TULP4: variants seen among roughly 807,000 people sequenced by gnomAD.
TULP4 encodes tubby-related protein 4.
In TULP4, 16 loss-of-function variants were observed where a neutral mutation model predicts 129.0. The ratio of observed to expected loss-of-function variants is 0.12; its 90% CI spans 0.08 to 0.19. The LOEUF (loss-of-function observed/expected upper bound fraction) is 0.19. Among genes scored for constraint, TULP4 ranks in the 10% least tolerant of loss-of-function variants. The pLI, the probability that TULP4 is intolerant of heterozygous loss-of-function variation, is 1.00. For missense variants in TULP4, 1,842 were observed against 2,059.1 expected (o/e 0.89, Z 2.04); for synonymous variants, 998 against 854.0 (o/e 1.17, Z -2.94).
At chr6:158,450,752 G>GAA (rs11340391) in intron 4 of TULP4, among the ~76,000 whole-genome samples, 1 of 146,894 alleles carries the variant, frequency 6.8e-6, no homozygotes, top group African/African-American at 2.5e-5. Context: ...TTTTATTATT[G>GAA]AAAAAAAAAA....
chr6:158,252,181 T>C (rs1356800732), intron 1 of TULP4, among the ~76,000 whole-genome samples: 1 of 152,200 alleles, frequency 6.6e-6, no homozygotes, highest in African/African-American at 2.4e-5. Context: ...GTATTTTTCA[T>C]GGTTGGTTGC....
intron 1 of TULP4, among the ~76,000 whole-genome samples, chr6:158,390,070 CA>C (rs759986693): frequency 0.016 from 1,251 of 79,650 alleles, 7 homozygotes; most frequent in Middle Eastern, 0.048. Context: ...GACTCCGTCT[CA>C]AAAAAAAAAA....
intron 6 of TULP4, among the ~76,000 whole-genome samples, chr6:158,473,671 A>G (rs529956378): frequency 6.6e-6 from 1 of 152,204 alleles, no homozygotes; most frequent in Non-Finnish European, 1.5e-5. Context: ...GGCATGTGCC[A>G]CCACGCCCGG....
At chr6:158,234,175 G>A (rs1268953815) in intron 1 of TULP4, among the ~76,000 whole-genome samples, 1 of 152,186 alleles carries the variant, frequency 6.6e-6, no homozygotes, top group East Asian at 1.9e-4. Context: ...TTATCTTTCA[G>A]CCTTGCATAT....
intron 1 of TULP4, among the ~76,000 whole-genome samples, chr6:158,267,615 G>A (rs944842996): frequency 1.3e-5 from 2 of 152,146 alleles, no homozygotes; most frequent in South Asian, 2.1e-4. Flanking sequence ...CAAATAATTA[G>A]GAGGGTCACT....
chr6:158,347,414 G>C (rs1047556125), intron 1 of TULP4, among the ~76,000 whole-genome samples: 8 of 152,296 alleles, frequency 5.3e-5, no homozygotes, highest in African/African-American at 1.9e-4. Flanking sequence ...CTCATCCCTT[G>C]TTTGGATTAG....
chr6:158,443,618 A>G (rs1025487836), intron 3 of TULP4, among the ~76,000 whole-genome samples: 1 of 152,204 alleles, frequency 6.6e-6, no homozygotes, highest in African/African-American at 2.4e-5. Context: ...ATCTTTAGAC[A>G]TAGGAGAGTC....
At chr6:158,234,851 G>T (rs138495741) in intron 1 of TULP4, among the ~76,000 whole-genome samples, 21 of 152,230 alleles carry the variant, frequency 1.4e-4, no homozygotes, top group Middle Eastern at 3.4e-3. Context: ...AATTTTTTGT[G>T]GTAAAATGTA....
At chr6:158,483,611 C>T (rs1236274439) in intron 8 of TULP4, among the ~76,000 whole-genome samples, 1 of 152,172 alleles carries the variant, frequency 6.6e-6, no homozygotes, top group Non-Finnish European at 1.5e-5. Flanking sequence ...CCATGCCTGT[C>T]CCCAAATTTC....
At chr6:158,492,501 T>C (rs747379017) in intron 9 of TULP4, among the ~76,000 whole-genome samples, 3 of 152,214 alleles carry the variant, frequency 2.0e-5, no homozygotes, top group Non-Finnish European at 2.9e-5. Flanking sequence ...TTTCCTATAT[T>C]TCCAAAGTGC....
At position 158,378,358 on chromosome 6, in the gene TULP4, A is replaced by G. The variant is rs1208366509; in HGVS notation, c.253-34707A>G. Among the ~76,000 whole-genome samples the G allele has an allele frequency of 2.0e-5, 3 of 152,052 alleles. No individual in the cohort carries two copies. In the East Asian group the frequency reaches 5.8e-4, roughly 29 times the overall value. On this transcript the variant is annotated intron_variant, in intron 1 of 13. Coordinates refer to ENST00000367097, the MANE Select transcript of TULP4 (RefSeq NM_020245.5). ...ACCAAATTTTATTATAATAATGTAT[A>G]CCAAGCATATTAAGACTTAAAAGGA... is the stretch of plus-strand genomic sequence containing the variant.
chr6:158,455,326 G>A lies in TULP4; in HGVS notation c.859+3058G>A, dbSNP rs1779267808. Among the ~76,000 whole-genome samples the A allele has an allele frequency of 8.4e-5, 2 of 23,862 alleles. 1 individual carries two copies. The highest frequency in any genetic ancestry group is 8.7e-4 in the African/African-American group (2 of 2,290). 15.7% of individuals were successfully genotyped at this position (23,862 alleles called of 152,430 possible). On this transcript the variant is annotated intron_variant, in intron 5 of 13. Transcript: ENST00000367097. ...CCTGACCTCGTGATCCACCCGCCTC[G>A]GCCTCCCAAAGTGCTGGGATTACAG...
chr6:158,481,841 C>T (rs1282521784), intron 8 of TULP4, among the ~76,000 whole-genome samples: 1 of 152,162 alleles, frequency 6.6e-6, no homozygotes, highest in Non-Finnish European at 1.5e-5. Context: ...ATTTTCATTG[C>T]TCAGTTAATG....
intron 3 of TULP4, among the ~76,000 whole-genome samples, chr6:158,431,479 A>G (rs1333353877): frequency 6.6e-6 from 1 of 152,196 alleles, no homozygotes; most frequent in African/African-American, 2.4e-5. Context: ...GTGCACATGT[A>G]GGACAGGCAG....
At position 158,399,134 on chromosome 6, in the gene TULP4, A is replaced by G. The variant is rs1490816910; in HGVS notation, c.253-13931A>G. Among the ~76,000 whole-genome samples the G allele has an allele frequency of 7.9e-5, 12 of 152,320 alleles. No homozygotes were observed. In the East Asian group the frequency reaches 2.3e-3, roughly 29 times the overall value. ...TGTAGTGAGGAGTCTGAAGATTGGT[A>G]GTTTATTTTAGGACTTTTGAAGTAA... On this transcript the variant is annotated intron_variant, in intron 1 of 13. Transcript: ENST00000367097.
At chr6:158,243,564 G>T (rs1424299455) in intron 1 of TULP4, among the ~76,000 whole-genome samples, 16 of 149,936 alleles carry the variant, frequency 1.1e-4, no homozygotes, top group Non-Finnish European at 2.1e-4. Flanking sequence ...TTTTTTCTTT[G>T]CAACTCTTTA....
At chr6:158,424,438 CAG>C (rs1778427970) in intron 2 of TULP4, among the ~76,000 whole-genome samples, 1 of 152,058 alleles carries the variant, frequency 6.6e-6, no homozygotes, top group Admixed American at 6.6e-5. Context: ...TGAGTAGAAA[CAG>C]GGTTTCACCA....
At position 158,331,722 on chromosome 6, in the gene TULP4, C is replaced by CGTGTATAT. The variant is rs1562523116; in HGVS notation, c.252+17454_252+17455insGTGTATAT. ...ACACACACACACACACACACACACA[C>CGTGTATAT]ACACACATACGTATATATATACGTG... On this transcript the variant is annotated intron_variant, in intron 1 of 13. Coordinates refer to ENST00000367097, the MANE Select transcript of TULP4 (RefSeq NM_020245.5). Among the ~76,000 whole-genome samples, 192 of 36,536 alleles carry CGTGTATAT rather than the reference C, an allele frequency of 5.3e-3. 46 individuals carry two copies. Among genetic ancestry groups the CGTGTATAT allele is most frequent in the Admixed American group, 0.02 (48 of 2,452 alleles). The allele number at this position is 36,536 out of a possible 152,430, so 24.0% of individuals were successfully genotyped here.
chr6:158,447,110 CTTAG>C (rs537157907), intron 3 of TULP4, among the ~76,000 whole-genome samples: 60 of 152,250 alleles, frequency 3.9e-4, no homozygotes, highest in Admixed American at 1.6e-3. Context: ...ATGGGTACAG[CTTAG>C]TTAAAGTTAT....
Sources: allele counts gnomAD v4.1 joint callset (sites outside exome capture counted in the v4.1 genomes callset), GRCh38; gene constraint gnomAD v4.1.1; transcripts MANE v1.5; gene names NCBI Gene and HGNC (gene_info 2026-07-23, HGNC 2026-07-21).